The following RHEX variants were observed in gnomAD, a reference collection of about 807,000 sequenced individuals.
The protein encoded by RHEX is regulator of hemoglobinization and erythroid cell expansion protein.
In RHEX, 18 loss-of-function variants were observed where a neutral mutation model predicts 20.1. The ratio of observed to expected loss-of-function variants is 0.90; its 90% CI spans 0.62 to 1.33. The LOEUF (loss-of-function observed/expected upper bound fraction) is 1.33, where lower values mean the gene tolerates loss of function less well. Among genes scored for constraint, RHEX ranks in the 40% most tolerant of loss-of-function variants. RHEX has a pLI of 0.00. For synonymous variants in RHEX, 87 were observed against 77.1 expected (o/e 1.13, Z -0.67); for missense variants, 192 against 214.3 (o/e 0.90, Z 0.65).
At chr1:206,097,557 A>G in intron 1 of RHEX, 176 bp from the exon 2 acceptor site, 1 of 544,174 alleles carries the variant, frequency 1.8e-6, no homozygotes. Flanking sequence ...CACTTTACTC[A>G]TCAAGGTTCT....
At chr1:206,054,797 A>T (rs1238412390) in intron 1 of RHEX, among the ~76,000 whole-genome samples, 1 of 152,282 alleles carries the variant, frequency 6.6e-6, no homozygotes, top group Non-Finnish European at 1.5e-5. Context: ...CTTATCTGGT[A>T]TAAAAATCAT....
intron 1 of RHEX, among the ~76,000 whole-genome samples, chr1:206,083,214 A>G (rs1212834862): frequency 6.6e-6 from 1 of 152,178 alleles, no homozygotes; most frequent in Non-Finnish European, 1.5e-5. Context: ...GGAAAAACAA[A>G]TTGTCTGAGC....
At chr1:206,055,060 C>T (rs1235543879) in intron 1 of RHEX, among the ~76,000 whole-genome samples, 2 of 152,238 alleles carry the variant, frequency 1.3e-5, no homozygotes, top group African/African-American at 4.8e-5. Flanking sequence ...CCCTGATTGT[C>T]CCCCTTCCAC....
At chr1:206,060,156 C>T (rs1276624708) in intron 1 of RHEX, among the ~76,000 whole-genome samples, 1 of 152,114 alleles carries the variant, frequency 6.6e-6, no homozygotes, top group Admixed American at 6.5e-5. Flanking sequence ...GCCCTATGAC[C>T]CTGAGCAAGT....
chr1:206,054,237 A>C, intron 1 of RHEX, among the ~76,000 whole-genome samples: 1 of 152,194 alleles, frequency 6.6e-6, no homozygotes, highest in East Asian at 1.9e-4. Flanking sequence ...AATGTTTGTA[A>C]TAAGTCAGAA....
At chr1:206,059,304 C>T (rs1553283032) in intron 1 of RHEX, among the ~76,000 whole-genome samples, 1 of 152,274 alleles carries the variant, frequency 6.6e-6, no homozygotes, top group East Asian at 1.9e-4. Flanking sequence ...CTCTCTCACT[C>T]AGAAGGGAGA....
intron 1 of RHEX, among the ~76,000 whole-genome samples, chr1:206,058,454 T>G (rs1181814305): frequency 6.9e-6 from 1 of 144,502 alleles, no homozygotes; most frequent in East Asian, 1.9e-4. Flanking sequence ...GACCCTCTCA[T>G]ATTGTTTTAT....
intron 1 of RHEX, among the ~76,000 whole-genome samples, chr1:206,063,625 CG>C (rs1553283679): frequency 2.6e-5 from 4 of 152,280 alleles, no homozygotes; most frequent in African/African-American, 9.6e-5. Flanking sequence ...AGCTCCTAAC[CG>C]TGAGTCATCC....
intron 1 of RHEX, among the ~76,000 whole-genome samples, chr1:206,089,869 G>A (rs544887703): frequency 5.9e-4 from 90 of 151,886 alleles, no homozygotes; most frequent in African/African-American, 2.0e-3. Flanking sequence ...CTCATCTGGG[G>A]ATTTAACAAA....
intron 1 of RHEX, among the ~76,000 whole-genome samples, chr1:206,093,534 G>A (rs1173271037): frequency 6.6e-6 from 1 of 152,150 alleles, no homozygotes; most frequent in Non-Finnish European, 1.5e-5. Context: ...CTCCCAAAGT[G>A]CTGGGATTAC....
At chr1:206,086,371 T>C (rs966250350) in intron 1 of RHEX, among the ~76,000 whole-genome samples, 5 of 152,082 alleles carry the variant, frequency 3.3e-5, no homozygotes, top group Non-Finnish European at 4.4e-5. Context: ...TTCTGAAGAA[T>C]GGGGTCTCAC....
chr1:206,056,462 A>C (rs1553282634), intron 1 of RHEX: 1 of 152,290 alleles, frequency 6.6e-6, no homozygotes, highest in African/African-American at 2.4e-5. Flanking sequence ...CAAGTCACTG[A>C]GGTAGGACAA....
chr1:206,072,529 T>G (rs1330709460), intron 1 of RHEX, among the ~76,000 whole-genome samples: 2 of 152,028 alleles, frequency 1.3e-5, no homozygotes, highest in Admixed American at 1.3e-4. Flanking sequence ...TGAGCCGAGA[T>G]CGTGCCACTG....
In RHEX at chr1:206,097,317, C is replaced by G. The variant is rs113179830; in HGVS notation, c.-96-416C>G. 5.9e-3 allele frequency among the ~76,000 whole-genome samples: 902 copies of G among 152,260 alleles called. 5 individuals carry two copies. The highest frequency in any genetic ancestry group is 0.02 in the African/African-American group (832 of 41,540). Reference sequence around the variant, plus strand: ...AAGAATCCATAAGCCCTGCTGCTAACAAGGTGACCTGTGGCGCTTCTTGGC... The same window carrying G: ...AAGAATCCATAAGCCCTGCTGCTAAGAAGGTGACCTGTGGCGCTTCTTGGC... On this transcript the variant is annotated intron_variant, in intron 1 of 5. Transcript: ENST00000331555.
intron 1 of RHEX, among the ~76,000 whole-genome samples, chr1:206,065,215 C>G (rs1209691312): frequency 2.0e-5 from 3 of 151,750 alleles, no homozygotes; most frequent in Admixed American, 6.6e-5. Context: ...CTTCCCTCCA[C>G]TATTGTCCTA....
chr1:206,091,743 G>C (rs1391708703), intron 1 of RHEX, among the ~76,000 whole-genome samples: 1 of 152,132 alleles, frequency 6.6e-6, no homozygotes, highest in Non-Finnish European at 1.5e-5. Context: ...TATTTTTGTA[G>C]AGTGAGAGGA....
intron 1 of RHEX, among the ~76,000 whole-genome samples, chr1:206,057,327 A>T (rs1662213086): frequency 6.6e-6 from 1 of 152,268 alleles, no homozygotes; most frequent in South Asian, 2.1e-4. Flanking sequence ...TTCCCAGCCC[A>T]AAAGAACCAC....
intron 1 of RHEX, among the ~76,000 whole-genome samples, chr1:206,092,111 A>C (rs1662966290): frequency 6.8e-6 from 1 of 146,836 alleles, no homozygotes; most frequent in South Asian, 2.1e-4. Flanking sequence ...TTTAATAGAG[A>C]TGGGGTCTTG....
At position 206,059,930 on chromosome 1, in the gene RHEX, G is replaced by C. The variant is rs555045995; in HGVS notation, c.-97+6665G>C. ...CTGGCCTTGCTTATGTCCTGATCCT[G>C]TCAACCCCTCTCACATGCCCTCCCC... On this transcript the variant is annotated intron_variant, in intron 1 of 5. Transcript: ENST00000331555. Among the ~76,000 whole-genome samples the C allele has an allele frequency of 5.3e-5, 8 of 152,218 alleles. 1 individual carries two copies. In the East Asian group the frequency reaches 1.5e-3, roughly 29 times the overall value.
Sources: gnomAD v4.1 joint callset for allele counts (sites outside exome capture counted in the v4.1 genomes callset) on GRCh38, gnomAD v4.1.1 for gene constraint, MANE v1.5 for transcripts, NCBI Gene and HGNC (gene_info 2026-07-23, HGNC 2026-07-21) for gene names.